Variants in RARB observed in about 807,000 individuals in gnomAD.
RARB encodes retinoic acid receptor beta, also known as HBV-activated protein.
Under a neutral mutation model 51.9 loss-of-function variants are expected in RARB, and 17 were observed. The ratio of observed to expected loss-of-function variants is 0.33; its 90% CI spans 0.22 to 0.49. RARB has a LOEUF of 0.49. Ranked by LOEUF, RARB falls within the 20% of genes least tolerant of loss-of-function variation. The probability of loss-of-function intolerance (pLI) is 0.99; values close to 1 mark genes in which losing one functional copy is unlikely to be tolerated. For synonymous variants in RARB, 215 were observed against 195.4 expected (o/e 1.10, Z -0.84); for missense variants, 369 against 550.8 (o/e 0.67, Z 3.30).
intron 5 of RARB, among the ~76,000 whole-genome samples, chr3:25,175,575 G>A (rs993092096): frequency 2.0e-5 from 3 of 152,200 alleles, no homozygotes; most frequent in South Asian, 4.1e-4. Context: ...CAGGGAGCTT[G>A]TTCTACCTAA....
chr3:24,950,990 T>G (rs751448258), intron 2 of RARB, among the ~76,000 whole-genome samples: 2 of 152,128 alleles, frequency 1.3e-5, no homozygotes, highest in Non-Finnish European at 2.9e-5. Flanking sequence ...CAAACCCAGT[T>G]GCAGGACTGG....
intron 3 of RARB, among the ~76,000 whole-genome samples, chr3:25,108,570 G>A (rs879547364): frequency 1.3e-5 from 2 of 152,028 alleles, no homozygotes; most frequent in African/African-American, 2.4e-5. Flanking sequence ...ACTCAGTCGC[G>A]TGGTCACATC....
At chr3:25,050,336 A>G (rs1370578346) in intron 2 of RARB, among the ~76,000 whole-genome samples, 1 of 152,216 alleles carries the variant, frequency 6.6e-6, no homozygotes, top group African/African-American at 2.4e-5. Flanking sequence ...GACCAAAGTC[A>G]TCATGAAATG....
intron 5 of RARB, among the ~76,000 whole-genome samples, chr3:25,342,936 A>G (rs576330446): frequency 6.6e-6 from 1 of 151,990 alleles, no homozygotes; most frequent in Non-Finnish European, 1.5e-5. Context: ...AGAAAAAGAG[A>G]TGCCAGAGCT....
intron 5 of RARB, among the ~76,000 whole-genome samples, chr3:25,314,623 T>C (rs939117878): frequency 2.6e-5 from 4 of 152,240 alleles, no homozygotes; most frequent in African/African-American, 7.2e-5. Flanking sequence ...AAAACCTTTT[T>C]TTTCCTCCTA....
At position 25,266,298 on chromosome 3, in the gene RARB, T is replaced by C. The variant is rs563001899; in HGVS notation, c.178+91723T>C. Among the ~76,000 whole-genome samples, 250 of 152,262 alleles carry C rather than the reference T, an allele frequency of 1.6e-3. 1 individual carries two copies. The highest frequency in any genetic ancestry group is 5.8e-3 in the African/African-American group (239 of 41,560). On this transcript the variant is annotated intron_variant, in intron 5 of 11. Transcript: ENST00000383772. ...AGCCCTTCGGAATCCAAAATGGAAA[T>C]TTTTTCTATCACTTAAATTTAAAAT...
intron 5 of RARB, among the ~76,000 whole-genome samples, chr3:25,357,330 C>T (rs1705773633): frequency 6.6e-6 from 1 of 152,130 alleles, no homozygotes; most frequent in African/African-American, 2.4e-5. Context: ...AAAGTATCTG[C>T]TCATATCCTT....
rs183682143 is a variant in RARB, at chr3:24,931,453, T to C, written c.-380+72701T>C. 2.0e-4 allele frequency among the ~76,000 whole-genome samples: 30 copies of C among 152,170 alleles called. No individual in the cohort carries two copies. The East Asian group carries it at 5.8e-3, about 30-fold the overall frequency. ...ATACATCAGTGGTCCCATTAGGCTG[T>C]TGTCTACCTCAGTGCTCTTTACTTC... On this transcript the variant is annotated intron_variant, in intron 2 of 11. Transcript: ENST00000383772.
chr3:25,159,412 A>ACCCT (rs1700438160), intron 4 of RARB, among the ~76,000 whole-genome samples: 1 of 141,748 alleles, frequency 7.1e-6, no homozygotes, highest in African/African-American at 2.7e-5. Flanking sequence ...CAGATGATCC[A>ACCCT]CCCCCCCCGC....
intron 4 of RARB, among the ~76,000 whole-genome samples, chr3:25,154,879 T>C (rs907175933): frequency 8.5e-5 from 13 of 152,174 alleles, no homozygotes; most frequent in African/African-American, 3.1e-4. Context: ...TAAAGGCTTG[T>C]CTTTTCCCCA....
At chr3:25,405,830 A>T (rs1012682421) in intron 5 of RARB, among the ~76,000 whole-genome samples, 2 of 152,174 alleles carry the variant, frequency 1.3e-5, no homozygotes, top group Non-Finnish European at 1.5e-5. Flanking sequence ...CACTTCTGTT[A>T]TCTTGGTCAA....
intron 5 of RARB, among the ~76,000 whole-genome samples, chr3:25,233,834 G>T (rs1049583589): frequency 1.3e-4 from 20 of 150,970 alleles, no homozygotes; most frequent in Admixed American, 2.0e-4. Context: ...CTATTGAGAA[G>T]ATCATATGGT....
intron 3 of RARB, among the ~76,000 whole-genome samples, chr3:25,562,618 A>G (rs1322301745): frequency 6.6e-6 from 1 of 152,256 alleles, no homozygotes; most frequent in East Asian, 1.9e-4. Flanking sequence ...ACATTAAGCC[A>G]GAACATTTTC....
At chr3:25,412,173 C>A (rs1707580158) in intron 5 of RARB, among the ~76,000 whole-genome samples, 1 of 152,176 alleles carries the variant, frequency 6.6e-6, no homozygotes, top group Admixed American at 6.5e-5. Flanking sequence ...GGACAGCAGA[C>A]AATGAACTAG....
chr3:25,028,948 C>G (rs1259515610), intron 2 of RARB, among the ~76,000 whole-genome samples: 1 of 152,194 alleles, frequency 6.6e-6, no homozygotes, highest in African/African-American at 2.4e-5. Flanking sequence ...TCTCTTCCAG[C>G]TCTTGCCTGC....
intron 5 of RARB, among the ~76,000 whole-genome samples, chr3:25,373,197 T>C (rs900828816): frequency 1.3e-5 from 2 of 152,172 alleles, no homozygotes; most frequent in African/African-American, 4.8e-5. Flanking sequence ...GAGATAAAAT[T>C]GTTGAAGTCT....
chr3:25,107,228 C>T (rs1699524018), intron 3 of RARB, among the ~76,000 whole-genome samples: 2 of 152,256 alleles, frequency 1.3e-5, no homozygotes, highest in South Asian at 4.1e-4. Context: ...TGCCATCAAG[C>T]TATCAGATGC....
At chr3:25,199,710 C>A (rs1478132961) in intron 5 of RARB, among the ~76,000 whole-genome samples, 1 of 152,092 alleles carries the variant, frequency 6.6e-6, no homozygotes, top group East Asian at 1.9e-4. Context: ...GTTTCTTGAC[C>A]TTGCGATAGT....
chr3:25,005,704 T>C (rs1475909876), intron 2 of RARB, among the ~76,000 whole-genome samples: 2 of 152,162 alleles, frequency 1.3e-5, no homozygotes, highest in Admixed American at 1.3e-4. Context: ...CACAAGAGTA[T>C]GACTACTCGA....
Sources: allele counts gnomAD v4.1 joint callset (sites outside exome capture counted in the v4.1 genomes callset), GRCh38; gene constraint gnomAD v4.1.1; transcripts MANE v1.5; gene names NCBI Gene and HGNC (gene_info 2026-07-23, HGNC 2026-07-21).